Variants in CNGB1 observed in about 807,000 individuals in gnomAD.
The protein encoded by CNGB1 is cyclic nucleotide gated channel subunit beta 1.
Under a neutral mutation model 151.7 loss-of-function variants are expected in CNGB1, and 126 were observed. The observed-to-expected ratio is 0.83, with a 90% CI of 0.72 to 0.96. The LOEUF is 0.96. Ranked by LOEUF, CNGB1 falls within the 40% of genes least tolerant of loss-of-function variation. The pLI is 0.00. For missense variants in CNGB1, 1,698 were observed against 1,627.0 expected, an observed-to-expected ratio of 1.04 and a Z score of -0.75; for synonymous variants, 623 against 635.1, an observed-to-expected ratio of 0.98 and a Z score of 0.29.
In CNGB1 at chr16:57,958,505, T is replaced by G; in HGVS notation, c.762-20A>C. 6.2e-7 allele frequency: 1 copy of G among 1,611,224 alleles called. No individual in the cohort carries two copies. On this transcript the variant is annotated intron_variant, in intron 10 of 32. Coordinates refer to ENST00000251102, the MANE Select transcript of CNGB1 (RefSeq NM_001297.5). ...ACCAGCCTGCAGGTGGGAGAGAGTG[T>G]GCGGTGTCCAGGTGGGAAGGGTCAT...
At chr16:57,913,135 C>T (rs1308355009) in intron 23 of CNGB1, 141 bp from the exon 24 acceptor site, 3 of 731,520 alleles carry the variant, frequency 4.1e-6, no homozygotes, top group Non-Finnish European at 7.3e-6. Flanking sequence ...ATCAGAAGTC[C>T]TCAGCCCCTT....
At chr16:57,922,518 T>C (rs529718294) in intron 18 of CNGB1, among the ~76,000 whole-genome samples, 1 of 150,134 alleles carries the variant, frequency 6.7e-6, no homozygotes, top group African/African-American at 2.5e-5. Context: ...AACCTCTACC[T>C]CCCAGGTTCA....
intron 31 of CNGB1, among the ~76,000 whole-genome samples, chr16:57,890,874 C>T (rs1314334927): frequency 6.6e-6 from 1 of 152,258 alleles, no homozygotes; most frequent in Non-Finnish European, 1.5e-5. Context: ...CAAACAACCA[C>T]TCTGATGACT....
At chr16:57,937,328 G>A (rs1961539716) in intron 16 of CNGB1, 1 of 152,520 alleles carries the variant, frequency 6.6e-6, no homozygotes, top group African/African-American at 2.4e-5. Flanking sequence ...GCTGGGGCCA[G>A]AGAGTCTCAG....
At chr16:57,899,437 C>T (rs1176365384) in intron 29 of CNGB1, among the ~76,000 whole-genome samples, 3 of 152,046 alleles carry the variant, frequency 2.0e-5, no homozygotes, top group East Asian at 1.9e-4. Flanking sequence ...GTCAGGAGTT[C>T]GAGACCAGCC....
At chr16:57,911,678 G>C in intron 25 of CNGB1, 75 bp downstream of exon 25, 3 of 1,597,634 alleles carry the variant, frequency 1.9e-6, no homozygotes, top group Non-Finnish European at 2.6e-6. Flanking sequence ...CTCCTTCCTG[G>C]AGTCTCTGTG....
chr16:57,933,576 A>G (rs545721791), intron 16 of CNGB1, among the ~76,000 whole-genome samples: 2 of 152,192 alleles, frequency 1.3e-5, no homozygotes, highest in East Asian at 1.9e-4. Context: ...CTTCTCCCCT[A>G]CACCTAGGGG....
intron 16 of CNGB1, among the ~76,000 whole-genome samples, chr16:57,934,359 G>C (rs1961445681): frequency 6.6e-6 from 1 of 151,968 alleles, no homozygotes; most frequent in Non-Finnish European, 1.5e-5. Flanking sequence ...GGTTGAACCT[G>C]GGAGGTAGAA....
At chr16:57,915,161 T>A (rs1323215063) in intron 23 of CNGB1, 88 bp downstream of exon 23, 18 of 1,057,576 alleles carry the variant, frequency 1.7e-5, no homozygotes, top group Middle Eastern at 2.5e-4. Context: ...CCCTCCCCAG[T>A]GCTGCTGGGG....
chr16:57,926,322 G>A (rs1298536522), intron 17 of CNGB1, among the ~76,000 whole-genome samples: 1 of 152,182 alleles, frequency 6.6e-6, no homozygotes, highest in Non-Finnish European at 1.5e-5. Context: ...TGGGGCAGGG[G>A]TCACTGAGGC....
chr16:57,935,654 A>G (rs1013019030), intron 16 of CNGB1, among the ~76,000 whole-genome samples: 3 of 151,748 alleles, frequency 2.0e-5, no homozygotes, highest in African/African-American at 7.3e-5. Flanking sequence ...TCCCCCCCCA[A>G]AAAAAAATAG....
At chr16:57,935,750 C>G (rs1463388872) in intron 16 of CNGB1, among the ~76,000 whole-genome samples, 2 of 137,950 alleles carry the variant, frequency 1.4e-5, no homozygotes, top group Non-Finnish European at 3.0e-5. Context: ...GCTTTGTTTC[C>G]TTTTTCTTTT....
chr16:57,946,210 G>T (rs1961804979), intron 14 of CNGB1, among the ~76,000 whole-genome samples: 1 of 152,248 alleles, frequency 6.6e-6, no homozygotes, highest in Non-Finnish European at 1.5e-5. Flanking sequence ...CCAGGGAGCA[G>T]CAGTGGCAGC....
At chr16:57,933,896 T>C (rs984546077) in intron 16 of CNGB1, among the ~76,000 whole-genome samples, 4 of 151,974 alleles carry the variant, frequency 2.6e-5, no homozygotes, top group Non-Finnish European at 5.9e-5. Flanking sequence ...CTAATTTTTG[T>C]ATTTTTAGTG....
At chr16:57,925,303 T>A (rs1287050934) in intron 17 of CNGB1, among the ~76,000 whole-genome samples, 1 of 151,878 alleles carries the variant, frequency 6.6e-6, no homozygotes, top group Non-Finnish European at 1.5e-5. Flanking sequence ...ACGCCCGGCC[T>A]CTCTCTTTTC....
At chr16:57,954,318 GCAGGTGCCACCTGCCTT>G (rs1230697152) in intron 12 of CNGB1, among the ~76,000 whole-genome samples, 2 of 152,186 alleles carry the variant, frequency 1.3e-5, no homozygotes, top group African/African-American at 4.8e-5. Context: ...AAATGAAGAG[GCAGGTGCCACCTGCCTT>G]CAGGTGCCAG....
At chr16:57,930,850 C>T (rs1310241021) in intron 17 of CNGB1, among the ~76,000 whole-genome samples, 1 of 151,866 alleles carries the variant, frequency 6.6e-6, no homozygotes, top group Non-Finnish European at 1.5e-5. Flanking sequence ...TGGTGGCTGC[C>T]GGGGCTGGGG....
chr16:57,911,207 T>C (rs993904300), intron 25 of CNGB1, among the ~76,000 whole-genome samples: 1 of 152,224 alleles, frequency 6.6e-6, no homozygotes, highest in Admixed American at 6.5e-5. Flanking sequence ...CAAGCAAGTC[T>C]TGTTCACACC....
In CNGB1 at chr16:57,915,244, C is replaced by A. The variant is rs1300415127; in HGVS notation, c.2304+5G>T. On this transcript the variant is annotated splice_donor_5th_base_variant and intron_variant, in intron 23 of 32. Transcript: ENST00000251102. The stretch of plus-strand genomic sequence containing the variant: ...GGCCTGGGGTGGTGGGCCCAGCAGT[C>A]CTACCTTTAAACAGCGGGGCAGGCG... 6.2e-7 allele frequency: 1 copy of A among 1,612,540 alleles called. No individual in the cohort carries two copies. The highest frequency in any genetic ancestry group is 8.5e-7 in the Non-Finnish European group (1 of 1,178,992).
Sources: gnomAD v4.1 joint callset for allele counts (sites outside exome capture counted in the v4.1 genomes callset) on GRCh38, gnomAD v4.1.1 for gene constraint, MANE v1.5 for transcripts, NCBI Gene and HGNC (gene_info 2026-07-23, HGNC 2026-07-21) for gene names.